MRPS31: variants seen among roughly 807,000 people sequenced by gnomAD.
MRPS31 encodes the protein mitochondrial ribosomal protein S31.
Under a neutral mutation model 43.1 loss-of-function variants are expected in MRPS31, and 32 were observed. That is an observed-to-expected ratio of 0.74 (90% CI 0.56 to 1.00). The LOEUF (loss-of-function observed/expected upper bound fraction) is 1.00. MRPS31 is among the 50% of genes least tolerant of loss of function. MRPS31 has a pLI of 0.00. For missense variants in MRPS31, 437 were observed against 466.7 expected (o/e 0.94, Z 0.59); for synonymous variants, 165 against 161.6 (o/e 1.02, Z -0.16).
intron 5 of MRPS31, 162 bp from the exon 6 acceptor site, chr13:40,749,443 T>C (rs923183505): frequency 9.0e-6 from 4 of 445,922 alleles, no homozygotes; most frequent in Non-Finnish European, 1.1e-5. Context: ...AAAAATTATA[T>C]TAAAAATTGT....
chr13:40,755,180 T>G (rs1393784287), intron 4 of MRPS31, among the ~76,000 whole-genome samples: 2 of 152,206 alleles, frequency 1.3e-5, no homozygotes, highest in African/African-American at 4.8e-5. Flanking sequence ...AATAATGTGA[T>G]CTCAAATCAT....
intron 6 of MRPS31, among the ~76,000 whole-genome samples, chr13:40,735,282 G>A (rs1228270502): frequency 7.9e-5 from 12 of 152,172 alleles, no homozygotes; most frequent in African/African-American, 1.4e-4. Flanking sequence ...AGGGTCCTAC[G>A]CCCACGGAGT....
At chr13:40,739,287 G>C (rs1469232573) in intron 6 of MRPS31, among the ~76,000 whole-genome samples, 1 of 152,146 alleles carries the variant, frequency 6.6e-6, no homozygotes, top group African/African-American at 2.4e-5. Flanking sequence ...TGAAATAAAG[G>C]AGGACATAAA....
At chr13:40,739,041 A>G (rs1428485036) in intron 6 of MRPS31, among the ~76,000 whole-genome samples, 1 of 152,210 alleles carries the variant, frequency 6.6e-6, no homozygotes, top group Non-Finnish European at 1.5e-5. Context: ...AGAAAACCCC[A>G]TTGTCTCAGC....
At chr13:40,738,601 G>A (rs996835215) in intron 6 of MRPS31, among the ~76,000 whole-genome samples, 8 of 152,016 alleles carry the variant, frequency 5.3e-5, no homozygotes, top group African/African-American at 1.7e-4. Flanking sequence ...TGATCAAGTG[G>A]GCTTCATCCC....
chr13:40,732,526 G>C (rs757180995), intron 6 of MRPS31, among the ~76,000 whole-genome samples: 6 of 152,142 alleles, frequency 3.9e-5, no homozygotes, highest in Non-Finnish European at 7.3e-5. Context: ...TTGAAGCCAG[G>C]AGTTTAAGAC....
At chr13:40,769,354 G>A (rs1367624932) in intron 1 of MRPS31, among the ~76,000 whole-genome samples, 1 of 131,890 alleles carries the variant, frequency 7.6e-6, no homozygotes, top group African/African-American at 2.8e-5. Context: ...CAGCCTAAGC[G>A]ACAGAGCAAG....
At chr13:40,759,298 G>A (rs1235840173) in intron 2 of MRPS31, among the ~76,000 whole-genome samples, 192 bp from the exon 3 acceptor site, 17 of 152,034 alleles carry the variant, frequency 1.1e-4, no homozygotes, top group Admixed American at 6.6e-4. Context: ...TTAGTTGGGC[G>A]TGGTGGCGCA....
intron 6 of MRPS31, among the ~76,000 whole-genome samples, chr13:40,735,350 C>G (rs549664135): frequency 4.8e-4 from 73 of 152,118 alleles, no homozygotes; most frequent in Admixed American, 6.5e-4. Context: ...AGTGAGGCTG[C>G]GGGAGGGGCG....
intron 4 of MRPS31, among the ~76,000 whole-genome samples, chr13:40,756,363 G>C (rs1952394576): frequency 1.3e-5 from 2 of 152,138 alleles, no homozygotes. Flanking sequence ...CTTCAAATCA[G>C]TAAATTCAAA....
At chr13:40,748,950 G>C (rs1356988286) in intron 6 of MRPS31, among the ~76,000 whole-genome samples, 188 bp downstream of exon 6, 1 of 151,892 alleles carries the variant, frequency 6.6e-6, no homozygotes, top group African/African-American at 2.4e-5. Context: ...TTTCCTTATC[G>C]AATATCTAAA....
chr13:40,731,757 A>C (rs867772932), intron 6 of MRPS31, among the ~76,000 whole-genome samples: 2 of 152,342 alleles, frequency 1.3e-5, no homozygotes, highest in South Asian at 4.1e-4. Context: ...AATTCACCTT[A>C]AACACCACAT....
chr13:40,758,897 G>T (rs754850091), intron 3 of MRPS31, 51 bp downstream of exon 3: 6 of 1,448,088 alleles, frequency 4.1e-6, no homozygotes, highest in East Asian at 2.4e-5. Context: ...ATATGAAAAT[G>T]GCCCATTTTG....
chr13:40,737,293 T>C (rs1268695206), intron 6 of MRPS31, among the ~76,000 whole-genome samples: 1 of 151,972 alleles, frequency 6.6e-6, no homozygotes, highest in African/African-American at 2.4e-5. Flanking sequence ...AAGTCCTGAG[T>C]GACCTACAAA....
intron 6 of MRPS31, among the ~76,000 whole-genome samples, chr13:40,740,484 C>G (rs1255460193): frequency 2.2e-5 from 3 of 137,062 alleles, no homozygotes; most frequent in Non-Finnish European, 4.6e-5. Flanking sequence ...GACAAATGCA[C>G]ACGTATGTTT....
intron 6 of MRPS31, among the ~76,000 whole-genome samples, chr13:40,745,475 C>T (rs1310018705): frequency 6.6e-6 from 1 of 152,174 alleles, no homozygotes; most frequent in African/African-American, 2.4e-5. Flanking sequence ...TGGTCTTGAA[C>T]TCGTGACCTC....
At position 40,729,325 on chromosome 13, in the gene MRPS31, G is replaced by A; in HGVS notation, c.*47C>T. 1.1e-6 allele frequency: 1 copy of A among 917,202 alleles called. No individual in the cohort carries two copies. The highest frequency in any genetic ancestry group is 2.7e-5 in the East Asian group (1 of 37,626). 56.8% of individuals were successfully genotyped at this position (917,202 alleles called of 1,614,324 possible). A position where few individuals can be genotyped will look rare whatever the true frequency, so the allele number is the denominator to read the frequency against. On this transcript the variant is annotated 3_prime_UTR_variant, in exon 7 of 7. Coordinates refer to ENST00000323563, the MANE Select transcript of MRPS31 (RefSeq NM_005830.4). The stretch of plus-strand genomic sequence containing the variant: ...AACTCTAGTAAAATTATTTTATTTA[G>A]TTGTAATATCCATCTCTAATTGTTT...
intron 6 of MRPS31, among the ~76,000 whole-genome samples, chr13:40,737,552 A>C (rs1462181256): frequency 6.6e-6 from 1 of 152,210 alleles, no homozygotes; most frequent in African/African-American, 2.4e-5. Flanking sequence ...TCCTCAGCAA[A>C]TGTAAAAGAA....
intron 6 of MRPS31, among the ~76,000 whole-genome samples, chr13:40,740,455 T>C (rs1487345026): frequency 7.4e-6 from 1 of 134,702 alleles, no homozygotes; most frequent in Non-Finnish European, 1.5e-5. Flanking sequence ...CAAAGGACTA[T>C]ACATCATGCT....
Sources: gnomAD v4.1 joint callset for allele counts (sites outside exome capture counted in the v4.1 genomes callset) on GRCh38, gnomAD v4.1.1 for gene constraint, MANE v1.5 for transcripts, NCBI Gene and HGNC (gene_info 2026-07-23, HGNC 2026-07-21) for gene names.